The following RANBP2 variants were observed in gnomAD, a reference collection of about 807,000 sequenced individuals.
RANBP2 encodes the protein E3 SUMO-protein ligase RanBP2.
In RANBP2, 57 loss-of-function variants were observed where a neutral mutation model predicts 303.6. The ratio of observed to expected loss-of-function variants is 0.19; its 90% CI spans 0.15 to 0.23. The LOEUF (loss-of-function observed/expected upper bound fraction) is 0.23, where lower values mean the gene tolerates loss of function less well. Among genes scored for constraint, RANBP2 ranks in the 10% least tolerant of loss-of-function variants. The probability of loss-of-function intolerance (pLI) is 1.00; values close to 1 mark genes in which losing one functional copy is unlikely to be tolerated. For synonymous variants in RANBP2, 1,167 were observed against 1,301.5 expected (o/e 0.90, Z 2.23); for missense variants, 3,138 against 3,780.8 (o/e 0.83, Z 4.46).
the RANBP2 span, among the ~76,000 whole-genome samples, chr2:109,064,168 C>T: frequency 6.6e-6 from 1 of 152,152 alleles, no homozygotes; most frequent in Non-Finnish European, 1.5e-5. Context: ...GAGACTGAGT[C>T]TTAGAACTGG....
the RANBP2 span, among the ~76,000 whole-genome samples, chr2:109,536,692 C>A: frequency 1.3e-5 from 2 of 151,962 alleles, no homozygotes; most frequent in Non-Finnish European, 2.9e-5. Flanking sequence ...TTGGGAGGGG[C>A]CAGGGATGGA....
the RANBP2 span, among the ~76,000 whole-genome samples, chr2:109,740,526 C>T: frequency 6.6e-6 from 1 of 152,134 alleles, no homozygotes; most frequent in Non-Finnish European, 1.5e-5. Flanking sequence ...TACATATTCT[C>T]CAGCTCACAT....
the RANBP2 span, among the ~76,000 whole-genome samples, chr2:109,732,368 C>A: frequency 1.3e-5 from 2 of 152,082 alleles, no homozygotes; most frequent in Non-Finnish European, 2.9e-5. Flanking sequence ...ACTGTTCCTG[C>A]CCTGGGAATG....
the RANBP2 span, among the ~76,000 whole-genome samples, chr2:109,721,420 T>C: frequency 6.6e-6 from 1 of 152,176 alleles, no homozygotes; most frequent in Non-Finnish European, 1.5e-5. Context: ...ACGCTGGGCA[T>C]GCATAAAAAA....
the RANBP2 span, among the ~76,000 whole-genome samples, chr2:109,364,465 C>T: frequency 6.6e-6 from 1 of 152,224 alleles, no homozygotes; most frequent in Admixed American, 6.5e-5. Context: ...GTTGCCACAT[C>T]TCAATCTGGT....
the RANBP2 span, among the ~76,000 whole-genome samples, chr2:108,803,043 AG>A: frequency 6.6e-6 from 1 of 152,302 alleles, no homozygotes; most frequent in South Asian, 2.1e-4. Flanking sequence ...TGCCTCTTAA[AG>A]GTTGGTCTGA....
the RANBP2 span, among the ~76,000 whole-genome samples, chr2:109,628,504 A>T: frequency 1.1e-5 from 1 of 91,804 alleles, no homozygotes; most frequent in African/African-American, 3.8e-5. Flanking sequence ...AAAAAATAAT[A>T]AATAAATAAA....
intron 21 of RANBP2, 25 bp from the exon 22 acceptor site, chr2:108,772,464 T>C (rs1677574547): frequency 6.3e-7 from 1 of 1,591,534 alleles, no homozygotes; most frequent in African/African-American, 1.3e-5. Context: ...TAACTAGAAA[T>C]TCTTTTAATC....
the RANBP2 span, among the ~76,000 whole-genome samples, chr2:109,117,103 G>T: frequency 1.3e-5 from 2 of 152,244 alleles, no homozygotes; most frequent in East Asian, 3.9e-4. Context: ...ACTTGAAGAG[G>T]CAGTCTGCCC....
At chr2:109,265,109 C>T in the RANBP2 span, among the ~76,000 whole-genome samples, 453 of 152,080 alleles carry the variant, frequency 3.0e-3, 2 homozygotes, top group African/African-American at 0.01. Flanking sequence ...CCACTTGAGG[C>T]GTTGCGAAAT....
chr2:109,360,027 A>C, the RANBP2 span, among the ~76,000 whole-genome samples: 1 of 150,986 alleles, frequency 6.6e-6, no homozygotes, highest in African/African-American at 2.4e-5. Context: ...GGACCCACTT[A>C]CTGGTCCCTT....
At chr2:109,615,255 A>C in the RANBP2 span, 1 of 1,559,328 alleles carries the variant, frequency 6.4e-7, no homozygotes, top group Non-Finnish European at 8.7e-7. Context: ...GGAGGAGGAG[A>C]GCAGCGGCGG....
the RANBP2 span, among the ~76,000 whole-genome samples, chr2:109,218,121 A>G: frequency 1.3e-5 from 2 of 150,668 alleles, no homozygotes; most frequent in African/African-American, 4.9e-5. Flanking sequence ...GAGTAGAGAC[A>G]GAAAACCATT....
At chr2:108,847,096 G>A in the RANBP2 span, among the ~76,000 whole-genome samples, 1 of 152,198 alleles carries the variant, frequency 6.6e-6, no homozygotes, top group Non-Finnish European at 1.5e-5. Flanking sequence ...CTGAATTTGA[G>A]AAATTGAAGT....
chr2:109,474,969 T>G, the RANBP2 span, among the ~76,000 whole-genome samples: 8,632 of 152,212 alleles, frequency 0.057, 376 homozygotes, highest in Non-Finnish European at 0.087. Context: ...TTTGGGTTTT[T>G]TTTGTTTGTT....
chr2:108,847,509 C>T, the RANBP2 span, among the ~76,000 whole-genome samples: 5 of 152,080 alleles, frequency 3.3e-5, no homozygotes, highest in Non-Finnish European at 7.4e-5. Flanking sequence ...TGACCCTGCA[C>T]CTAGTGTAGT....
the RANBP2 span, among the ~76,000 whole-genome samples, chr2:109,524,474 A>ACAG: frequency 7.0e-6 from 1 of 142,000 alleles, no homozygotes; most frequent in Admixed American, 7.0e-5. Flanking sequence ...AAACAAAACA[A>ACAG]CACTGGGCGC....
the RANBP2 span, among the ~76,000 whole-genome samples, chr2:108,887,468 TG>T: frequency 6.6e-6 from 1 of 152,166 alleles, no homozygotes; most frequent in South Asian, 2.1e-4. Flanking sequence ...TTGGGCAACG[TG>T]GTTATTTTAA....
At chr2:109,453,646 A>G in the RANBP2 span, among the ~76,000 whole-genome samples, 5 of 152,220 alleles carry the variant, frequency 3.3e-5, no homozygotes, top group Admixed American at 2.6e-4. Flanking sequence ...GAGCATGAGG[A>G]TGTACCTGGC....
Sources: allele counts gnomAD v4.1 joint callset (sites outside exome capture counted in the v4.1 genomes callset), GRCh38; gene constraint gnomAD v4.1.1; transcripts MANE v1.5; gene names NCBI Gene and HGNC (gene_info 2026-07-23, HGNC 2026-07-21).